Variants in OPCML observed in about 807,000 individuals in gnomAD.
The protein encoded by OPCML is opioid binding protein/cell adhesion molecule like.
Under a neutral mutation model 37.8 loss-of-function variants are expected in OPCML, and 13 were observed. The ratio of observed to expected loss-of-function variants is 0.34; its 90% CI spans 0.22 to 0.55. The LOEUF is 0.55. Among genes scored for constraint, OPCML ranks in the 20% least tolerant of loss-of-function variants. OPCML has a pLI of 0.91. For missense variants in OPCML, 341 were observed against 435.6 expected (o/e 0.78, Z 1.93); for synonymous variants, 176 against 168.8 (o/e 1.04, Z -0.33).
At chr11:133,427,871 A>G (rs1245337003) in intron 1 of OPCML, among the ~76,000 whole-genome samples, 3 of 152,126 alleles carry the variant, frequency 2.0e-5, no homozygotes, top group Non-Finnish European at 2.9e-5. Flanking sequence ...GAAAATATCT[A>G]TGTGCATATA....
intron 1 of OPCML, among the ~76,000 whole-genome samples, chr11:133,022,852 A>T (rs1450591669): frequency 1.3e-5 from 2 of 152,214 alleles, no homozygotes; most frequent in Non-Finnish European, 1.5e-5. Context: ...TCAGACCATC[A>T]TATTTTCCTT....
At chr11:132,952,123 C>A (rs544459429) in intron 1 of OPCML, among the ~76,000 whole-genome samples, 1 of 152,112 alleles carries the variant, frequency 6.6e-6, no homozygotes, top group Non-Finnish European at 1.5e-5. Flanking sequence ...GGGTTTGATG[C>A]GTATTTGTAT....
rs1940390697 is a variant in OPCML at position 133,233,707 on chromosome 11, G to A, written c.62-290697C>T. Among the ~76,000 whole-genome samples, 3 of 152,034 alleles carry A rather than the reference G, an allele frequency of 2.0e-5. No individual in the cohort carries two copies. In the South Asian group the frequency reaches 6.2e-4, roughly 32 times the overall value. ...TCTCAAGTCTAGCCACTTCATTAGG[G>A]TTTTCACTTCTTCCTATGAAGCCCC... On this transcript the variant is annotated intron_variant, in intron 1 of 7. Coordinates refer to ENST00000524381, the MANE Select transcript of OPCML (RefSeq NM_001012393.5).
intron 1 of OPCML, among the ~76,000 whole-genome samples, chr11:133,274,735 G>A (rs1169213615): frequency 6.6e-6 from 1 of 152,178 alleles, no homozygotes; most frequent in African/African-American, 2.4e-5. Flanking sequence ...ACGGCCAGGC[G>A]GCCTCTATGT....
At chr11:132,550,223 TA>T (rs1169372869) in intron 3 of OPCML, among the ~76,000 whole-genome samples, 1 of 152,186 alleles carries the variant, frequency 6.6e-6, no homozygotes, top group Non-Finnish European at 1.5e-5. Context: ...AAGGGGGTGA[TA>T]ATAGTGTATA....
chr11:132,819,549 T>C (rs188339716), intron 2 of OPCML, among the ~76,000 whole-genome samples: 126 of 152,314 alleles, frequency 8.3e-4, no homozygotes, highest in Non-Finnish European at 1.6e-3. Flanking sequence ...ACCTGGAAGA[T>C]AGGCCAATAG....
intron 1 of OPCML, among the ~76,000 whole-genome samples, chr11:133,370,243 A>G (rs986439507): frequency 2.6e-5 from 4 of 152,160 alleles, no homozygotes; most frequent in African/African-American, 9.7e-5. Flanking sequence ...CACTAGCACT[A>G]TGATCTCAGG....
At chr11:132,613,273 C>T (rs376185406) in intron 3 of OPCML, among the ~76,000 whole-genome samples, 1 of 152,154 alleles carries the variant, frequency 6.6e-6, no homozygotes, top group African/African-American at 2.4e-5. Context: ...AAACCTTTGC[C>T]GGTGTACAAC....
At chr11:133,446,565 T>C (rs1946478278) in intron 1 of OPCML, among the ~76,000 whole-genome samples, 1 of 152,166 alleles carries the variant, frequency 6.6e-6, no homozygotes, top group African/African-American at 2.4e-5. Flanking sequence ...GCTGGGACTA[T>C]AGGCGTGCAC....
chr11:133,164,087 G>A lies in OPCML; in HGVS notation c.62-221077C>T, dbSNP rs77550467. ...AGGGCTTTGAAGCCACCCACGGCAT[G>A]AGCTAACTTGCTCCTGTATTAAGTG... On this transcript the variant is annotated intron_variant, in intron 1 of 7. Transcript: ENST00000524381. Among the ~76,000 whole-genome samples, 1,089 of 152,338 alleles carry A rather than the reference G, an allele frequency of 7.1e-3. 19 individuals are homozygous for A. The highest frequency in any genetic ancestry group is 0.025 in the African/African-American group (1,025 of 41,572).
At chr11:132,501,152 G>A (rs1409037046) in intron 4 of OPCML, among the ~76,000 whole-genome samples, 4 of 152,158 alleles carry the variant, frequency 2.6e-5, no homozygotes, top group African/African-American at 9.7e-5. Flanking sequence ...TTTAACAAAT[G>A]GTGCTGGGAA....
chr11:133,389,295 T>C (rs911414050), intron 1 of OPCML, among the ~76,000 whole-genome samples: 2 of 152,176 alleles, frequency 1.3e-5, no homozygotes, highest in Admixed American at 1.3e-4. Context: ...CACTGAGAGA[T>C]AGATGATTGT....
At chr11:132,850,662 G>A (rs951785762) in intron 2 of OPCML, among the ~76,000 whole-genome samples, 13 of 152,064 alleles carry the variant, frequency 8.5e-5, no homozygotes, top group African/African-American at 2.7e-4. Flanking sequence ...AGTCAGAAAA[G>A]GCTTGTATTT....
chr11:132,815,870 C>T (rs1939604712), intron 2 of OPCML, among the ~76,000 whole-genome samples: 1 of 152,174 alleles, frequency 6.6e-6, no homozygotes, highest in Non-Finnish European at 1.5e-5. Flanking sequence ...GCAACAGACA[C>T]AGATAGAGAA....
At chr11:133,057,615 G>A (rs1157129566) in intron 1 of OPCML, among the ~76,000 whole-genome samples, 1 of 152,190 alleles carries the variant, frequency 6.6e-6, no homozygotes, top group Non-Finnish European at 1.5e-5. Context: ...GCTATAGCCT[G>A]CCCCTGTCCC....
intron 3 of OPCML, among the ~76,000 whole-genome samples, chr11:132,564,006 A>G (rs759091140): frequency 6.6e-6 from 1 of 152,196 alleles, no homozygotes; most frequent in Non-Finnish European, 1.5e-5. Context: ...TCAGCGTTGC[A>G]TACCTAAAGA....
intron 2 of OPCML, among the ~76,000 whole-genome samples, chr11:132,658,150 A>G (rs964739590): frequency 1.3e-5 from 2 of 152,212 alleles, no homozygotes; most frequent in African/African-American, 4.8e-5. Flanking sequence ...GCATGTGCCC[A>G]GGAACTGAGG....
intron 1 of OPCML, among the ~76,000 whole-genome samples, chr11:133,200,862 A>G (rs1284929046): frequency 6.6e-6 from 1 of 152,222 alleles, no homozygotes; most frequent in Non-Finnish European, 1.5e-5. Context: ...TCACAATAGC[A>G]AAGACATGGA....
At chr11:132,477,165 A>T (rs1231364225) in intron 4 of OPCML, among the ~76,000 whole-genome samples, 1 of 152,156 alleles carries the variant, frequency 6.6e-6, no homozygotes, top group African/African-American at 2.4e-5. Flanking sequence ...TCAAATGAGG[A>T]CTCAGAGCCA....
Sources: allele counts gnomAD v4.1 joint callset (sites outside exome capture counted in the v4.1 genomes callset), GRCh38; gene constraint gnomAD v4.1.1; transcripts MANE v1.5; gene names NCBI Gene and HGNC (gene_info 2026-07-23, HGNC 2026-07-21).